Variants in FHIT observed in about 807,000 individuals in gnomAD.
The protein encoded by FHIT is bis(5'-adenosyl)-triphosphatase.
FHIT carries 19 observed loss-of-function variants against 17.9 expected under a neutral mutation model. That is an observed-to-expected ratio of 1.06 (90% CI 0.74 to 1.56). FHIT has a LOEUF of 1.56. FHIT is among the 40% of genes most tolerant of loss of function. The probability of loss-of-function intolerance (pLI) is 0.00; values close to 1 mark genes in which losing one functional copy is unlikely to be tolerated. For synonymous variants in FHIT, 81 were observed against 69.7 expected (o/e 1.16, Z -0.81); for missense variants, 248 against 189.2 (o/e 1.31, Z -1.82).
At chr3:59,763,760 C>T (rs1258406236) in intron 8 of FHIT, among the ~76,000 whole-genome samples, 1 of 133,040 alleles carries the variant, frequency 7.5e-6, no homozygotes, top group Non-Finnish European at 1.7e-5. Flanking sequence ...GCAAACACCC[C>T]AAGGGAAGAA....
chr3:60,899,296 C>A (rs1298380885), intron 3 of FHIT, among the ~76,000 whole-genome samples: 1 of 152,172 alleles, frequency 6.6e-6, no homozygotes, highest in Non-Finnish European at 1.5e-5. Context: ...ATCACATTTG[C>A]ATATCTTTTT....
At chr3:60,722,507 T>C (rs1318667795) in intron 4 of FHIT, among the ~76,000 whole-genome samples, 2 of 152,172 alleles carry the variant, frequency 1.3e-5, no homozygotes, top group East Asian at 1.9e-4. Context: ...CTTGGCACTG[T>C]AGACACTTTG....
At chr3:59,896,090 T>C (rs1704056099) in intron 8 of FHIT, among the ~76,000 whole-genome samples, 1 of 152,216 alleles carries the variant, frequency 6.6e-6, no homozygotes, top group Non-Finnish European at 1.5e-5. Context: ...TGTCTTTAGA[T>C]TATGAGGCAC....
chr3:60,542,671 G>C (rs2036223388), intron 4 of FHIT, among the ~76,000 whole-genome samples: 1 of 151,746 alleles, frequency 6.6e-6, no homozygotes, highest in South Asian at 2.1e-4. Context: ...ATTGATCATG[G>C]TCTATTAAAC....
intron 5 of FHIT, among the ~76,000 whole-genome samples, chr3:60,289,785 G>C (rs2106648873): frequency 6.6e-6 from 1 of 151,978 alleles, no homozygotes; most frequent in Middle Eastern, 3.4e-3. Context: ...CGGGTATTTA[G>C]AAGAAGGAAT....
At chr3:60,522,275 T>A (rs2035401129) in intron 5 of FHIT, among the ~76,000 whole-genome samples, 1 of 152,008 alleles carries the variant, frequency 6.6e-6, no homozygotes, top group Non-Finnish European at 1.5e-5. Context: ...CACACCTGGC[T>A]AAGTTTTGCA....
At chr3:60,722,707 C>CTTTTT (rs1157024624) in intron 4 of FHIT, among the ~76,000 whole-genome samples, 14 of 104,954 alleles carry the variant, frequency 1.3e-4, no homozygotes, top group African/African-American at 2.2e-4. Flanking sequence ...TACCTTAAAT[C>CTTTTT]TTTTTTTTTT....
intron 4 of FHIT, among the ~76,000 whole-genome samples, chr3:60,775,799 A>G (rs188892557): frequency 1.3e-5 from 2 of 152,166 alleles, no homozygotes; most frequent in East Asian, 3.9e-4. Context: ...GCTGGGACAC[A>G]TGGCCTAAGT....
chr3:59,973,473 C>T (rs1048464769), intron 7 of FHIT, among the ~76,000 whole-genome samples: 2 of 152,144 alleles, frequency 1.3e-5, no homozygotes, highest in Admixed American at 6.6e-5. Context: ...TCTGCCTTCA[C>T]TGACACCTAT....
chr3:59,948,756 C>T (rs1052969930), intron 7 of FHIT, among the ~76,000 whole-genome samples: 33 of 152,054 alleles, frequency 2.2e-4, no homozygotes, highest in African/African-American at 7.5e-4. Context: ...CTACGTGCCA[C>T]CCTTTATTAT....
intron 8 of FHIT, among the ~76,000 whole-genome samples, chr3:59,870,856 C>CGTGTGT (rs112477825): frequency 6.9e-4 from 80 of 116,234 alleles, no homozygotes; most frequent in African/African-American, 2.2e-3. Flanking sequence ...TAGTAAAGGG[C>CGTGTGT]GTGTGTGTGT....
chr3:60,544,423 G>T (rs542535772), intron 4 of FHIT, among the ~76,000 whole-genome samples: 122 of 151,818 alleles, frequency 8.0e-4, no homozygotes, highest in African/African-American at 2.8e-3. Flanking sequence ...CTTGTTCCGT[G>T]CCATTAATGT....
chr3:60,011,441 A>G (rs1265145561), intron 6 of FHIT, 41 bp from the exon 7 acceptor site: 1 of 1,541,120 alleles, frequency 6.5e-7, no homozygotes, highest in South Asian at 1.1e-5. Context: ...GAATAGATAG[A>G]TGGTATCTCC....
At chr3:59,992,439 GT>G (rs1178893794) in intron 7 of FHIT, among the ~76,000 whole-genome samples, 1 of 152,072 alleles carries the variant, frequency 6.6e-6, no homozygotes, top group Non-Finnish European at 1.5e-5. Flanking sequence ...GATAAGTACA[GT>G]CTTCACTAAA....
intron 4 of FHIT, among the ~76,000 whole-genome samples, chr3:60,789,169 TATATATAGAG>T (rs1321653083): frequency 6.2e-4 from 77 of 124,984 alleles, no homozygotes; most frequent in African/African-American, 1.3e-3. Context: ...TATATATATA[TATATATAGAG>T]AGAGAGAGAG....
At chr3:59,831,296 G>A (rs1701154810) in intron 8 of FHIT, among the ~76,000 whole-genome samples, 1 of 152,118 alleles carries the variant, frequency 6.6e-6, no homozygotes, top group South Asian at 2.1e-4. Context: ...TGATGATGAT[G>A]ATGACAGTAA....
In FHIT at chr3:60,606,521, G is replaced by A. The variant is rs183717135; in HGVS notation, c.-17-69542C>T. The stretch of plus-strand genomic sequence containing the variant: ...CTCCCAAAGTGCTGGGATTACAGGC[G>A]TGAGTCACCGAGCCCAGCCTGTGAT... On this transcript the variant is annotated intron_variant, in intron 4 of 9. Transcript: ENST00000492590. Among the ~76,000 whole-genome samples the A allele has an allele frequency of 3.8e-3, 578 of 152,222 alleles. 8 individuals are homozygous for A. Among genetic ancestry groups the A allele is most frequent in the Non-Finnish European group, 4.4e-3 (299 of 68,004 alleles).
intron 2 of FHIT, among the ~76,000 whole-genome samples, chr3:61,046,248 C>T (rs1011737370): frequency 6.6e-5 from 10 of 151,840 alleles, no homozygotes; most frequent in Admixed American, 6.6e-4. Context: ...GCTAGCAAGA[C>T]TGGTAAAGAA....
intron 1 of FHIT, among the ~76,000 whole-genome samples, chr3:61,245,285 C>T (rs958887050): frequency 6.6e-6 from 1 of 152,166 alleles, no homozygotes; most frequent in African/African-American, 2.4e-5. Flanking sequence ...TAGAAATTAT[C>T]GCCCCCATTT....
Sources: allele counts gnomAD v4.1 joint callset (sites outside exome capture counted in the v4.1 genomes callset), GRCh38; gene constraint gnomAD v4.1.1; transcripts MANE v1.5; gene names NCBI Gene and HGNC (gene_info 2026-07-23, HGNC 2026-07-21).